XKR4: variants seen among roughly 807,000 people sequenced by gnomAD.
XKR4 encodes the protein XK-related protein 4.
XKR4 carries 12 observed loss-of-function variants against 53.9 expected under a neutral mutation model. The ratio of observed to expected loss-of-function variants is 0.22; its 90% CI spans 0.14 to 0.36. The LOEUF (loss-of-function observed/expected upper bound fraction) is 0.36, where lower values mean the gene tolerates loss of function less well. Among genes scored for constraint, XKR4 ranks in the 10% least tolerant of loss-of-function variants. XKR4 has a pLI of 1.00. For missense variants in XKR4, 799 were observed against 859.5 expected, an observed-to-expected ratio of 0.93 and a Z score of 0.88; for synonymous variants, 354 against 362.4, an observed-to-expected ratio of 0.98 and a Z score of 0.26.
intron 1 of XKR4, among the ~76,000 whole-genome samples, chr8:55,161,889 A>C (rs1816991418): frequency 6.6e-6 from 1 of 152,184 alleles, no homozygotes; most frequent in Non-Finnish European, 1.5e-5. Context: ...ATTTTTGATC[A>C]ATTCTTTCAC....
At chr8:55,127,240 C>CTTTTTTTTTTTTTTTTTTTTTTTTTT (rs56093804) in intron 1 of XKR4, among the ~76,000 whole-genome samples, 1 of 143,588 alleles carries the variant, frequency 7.0e-6, no homozygotes. Flanking sequence ...GTGCCTAACT[C>CTTTTTTTTTTTTTTTTTTTTTTTTTT]TTTTTTTTTT....
intron 1 of XKR4, among the ~76,000 whole-genome samples, chr8:55,279,989 A>G (rs75944084): frequency 0.04 from 6,058 of 152,288 alleles, 313 homozygotes; most frequent in African/African-American, 0.11. Flanking sequence ...GAGATACACC[A>G]AATTTCTAAA....
intron 1 of XKR4, among the ~76,000 whole-genome samples, chr8:55,347,831 A>G (rs1563329600): frequency 6.6e-6 from 1 of 152,204 alleles, no homozygotes; most frequent in Non-Finnish European, 1.5e-5. Context: ...TAGTTATGCT[A>G]AATTTTTAGC....
At chr8:55,521,548 T>C (rs1806798147) in intron 2 of XKR4, among the ~76,000 whole-genome samples, 1 of 152,160 alleles carries the variant, frequency 6.6e-6, no homozygotes, top group Non-Finnish European at 1.5e-5. Flanking sequence ...ATTAAAGATT[T>C]TTGTGCTAGC....
intron 2 of XKR4, chr8:55,450,719 A>C: frequency 1.7e-6 from 1 of 584,726 alleles, no homozygotes; most frequent in Non-Finnish European, 3.3e-6. Flanking sequence ...CGATGACTGA[A>C]GGACAGCCAC....
At chr8:55,508,615 G>A (rs145695560) in intron 2 of XKR4, among the ~76,000 whole-genome samples, 228 of 152,332 alleles carry the variant, frequency 1.5e-3, no homozygotes, top group African/African-American at 4.6e-3. Flanking sequence ...TTGTCAGCCT[G>A]GAAGGATGAT....
chr8:55,429,947 A>C (rs759520666), intron 2 of XKR4, among the ~76,000 whole-genome samples: 1 of 152,284 alleles, frequency 6.6e-6, no homozygotes, highest in South Asian at 2.1e-4. Context: ...CAATAAAAAA[A>C]CCCAAATAAT....
intron 1 of XKR4, among the ~76,000 whole-genome samples, chr8:55,185,184 T>G (rs1217175771): frequency 2.0e-5 from 3 of 152,230 alleles, no homozygotes; most frequent in Admixed American, 2.0e-4. Context: ...GGCAATTCTG[T>G]TTTTATTGCT....
chr8:55,108,726 T>C (rs1816189172), intron 1 of XKR4, among the ~76,000 whole-genome samples: 1 of 152,216 alleles, frequency 6.6e-6, no homozygotes, highest in East Asian at 1.9e-4. Context: ...CATAGAAATA[T>C]ATTCCTTATG....
intron 1 of XKR4, among the ~76,000 whole-genome samples, chr8:55,329,770 A>G (rs940091751): frequency 1.3e-5 from 2 of 152,184 alleles, no homozygotes; most frequent in Admixed American, 6.5e-5. Context: ...TTTATCATCA[A>G]GAAGTATACA....
rs529957899 is a variant in XKR4 at position 55,445,251 on chromosome 8, G to A, written c.1007-78030G>A. On this transcript the variant is annotated intron_variant, in intron 2 of 2. Coordinates refer to ENST00000327381, the MANE Select transcript of XKR4 (RefSeq NM_052898.2). Reference sequence around the variant, plus strand: ...TTTTTGTATTTTTAGTAGAGACGGCGTTTCACTGTGTTAGCCAGGATGGTC... The same window carrying A: ...TTTTTGTATTTTTAGTAGAGACGGCATTTCACTGTGTTAGCCAGGATGGTC... Among the ~76,000 whole-genome samples, 20 of 152,076 alleles carry A rather than the reference G, an allele frequency of 1.3e-4. No homozygotes were observed. The South Asian group carries it at 1.5e-3, about 11-fold the overall frequency.
intron 2 of XKR4, among the ~76,000 whole-genome samples, chr8:55,522,163 T>C (rs1213413693): frequency 6.6e-6 from 1 of 152,228 alleles, no homozygotes; most frequent in Non-Finnish European, 1.5e-5. Flanking sequence ...AGATGAACTG[T>C]GCCATACAGG....
At chr8:55,464,117 C>G (rs1451812301) in intron 2 of XKR4, among the ~76,000 whole-genome samples, 8 of 152,192 alleles carry the variant, frequency 5.3e-5, no homozygotes, top group Non-Finnish European at 1.2e-4. Flanking sequence ...TCCTCCCTAA[C>G]TCATTTTATG....
chr8:55,287,691 C>T (rs1223889582), intron 1 of XKR4, among the ~76,000 whole-genome samples: 1 of 152,220 alleles, frequency 6.6e-6, no homozygotes, highest in Non-Finnish European at 1.5e-5. Context: ...ATCAGCCTCT[C>T]AGCCCTCCTT....
intron 1 of XKR4, among the ~76,000 whole-genome samples, chr8:55,273,914 G>A (rs1381430727): frequency 6.6e-6 from 1 of 152,144 alleles, no homozygotes; most frequent in Admixed American, 6.5e-5. Flanking sequence ...TGAACCCCTT[G>A]GGTGGTTACA....
intron 2 of XKR4, among the ~76,000 whole-genome samples, chr8:55,480,136 G>A (rs1295005683): frequency 1.3e-5 from 2 of 152,114 alleles, no homozygotes; most frequent in African/African-American, 4.8e-5. Flanking sequence ...GATGAACATT[G>A]ATGCAAAAAT....
At chr8:55,391,072 T>C (rs1360712158) in intron 2 of XKR4, among the ~76,000 whole-genome samples, 1 of 152,102 alleles carries the variant, frequency 6.6e-6, no homozygotes, top group Non-Finnish European at 1.5e-5. Flanking sequence ...AGAAACTGGA[T>C]CAAAACTACA....
At chr8:55,285,284 T>C (rs1228915851) in intron 1 of XKR4, among the ~76,000 whole-genome samples, 1 of 152,160 alleles carries the variant, frequency 6.6e-6, no homozygotes. Flanking sequence ...TGATCAGTTG[T>C]CAGGGACTTG....
At chr8:55,411,856 C>T (rs1030160828) in intron 2 of XKR4, among the ~76,000 whole-genome samples, 2 of 152,190 alleles carry the variant, frequency 1.3e-5, no homozygotes, top group African/African-American at 4.8e-5. Flanking sequence ...TGCAGCCACC[C>T]ATGAAGGACA....
Sources: allele counts gnomAD v4.1 joint callset (sites outside exome capture counted in the v4.1 genomes callset), GRCh38; gene constraint gnomAD v4.1.1; transcripts MANE v1.5; gene names NCBI Gene and HGNC (gene_info 2026-07-23, HGNC 2026-07-21).